SETD3: variants seen among roughly 807,000 people sequenced by gnomAD.
The protein encoded by SETD3 is SET domain containing 3, actin N3(tau)-histidine methyltransferase.
A neutral mutation model predicts 63.0 loss-of-function variants in SETD3; 19 were observed. The ratio of observed to expected loss-of-function variants is 0.30; its 90% confidence interval spans 0.21 to 0.44. SETD3 has a LOEUF of 0.44. Ranked by LOEUF, SETD3 falls within the 20% of genes least tolerant of loss-of-function variation. The probability of loss-of-function intolerance (pLI) is 1.00; values close to 1 mark genes in which losing one functional copy is unlikely to be tolerated. For synonymous variants in SETD3, 286 were observed against 264.1 expected (o/e 1.08, Z -0.80); for missense variants, 587 against 728.5 (o/e 0.81, Z 2.24).
chr14:99,427,764 C>T (rs567721123), intron 6 of SETD3, among the ~76,000 whole-genome samples: 3 of 152,284 alleles, frequency 2.0e-5, no homozygotes, highest in Admixed American at 6.5e-5. Flanking sequence ...AAGGAGCCAA[C>T]GACTTTGGAG....
chr14:99,457,883 G>A (rs941553), intron 6 of SETD3, among the ~76,000 whole-genome samples: 63,747 of 152,074 alleles, frequency 0.42, 13,865 homozygotes, highest in East Asian at 0.56. Context: ...TAAATTAACT[G>A]TCAATATTTT....
chr14:99,407,861 G>A (rs969853143), intron 8 of SETD3, among the ~76,000 whole-genome samples: 3 of 152,146 alleles, frequency 2.0e-5, no homozygotes, highest in African/African-American at 7.2e-5. Context: ...CGAGTGCTCA[G>A]CACACAGAAC....
At chr14:99,477,636 C>A (rs1302635487) in intron 1 of SETD3, among the ~76,000 whole-genome samples, 2 of 151,732 alleles carry the variant, frequency 1.3e-5, no homozygotes, top group Non-Finnish European at 2.9e-5. Context: ...TGCCTGTAAT[C>A]CCAGCTGCTC....
At position 99,463,705 on chromosome 14, in the gene SETD3, C is replaced by T. The variant is rs558744051; in HGVS notation, c.104-127G>A. On this transcript the variant is annotated intron_variant, in intron 2 of 12. Transcript: ENST00000331768. ...GGTTGGTTTATTTTTAAAAGACAGA[C>T]ATATGACAGCCATGATAATGAATGT... 6.6e-3 allele frequency: 4,537 copies of T among 692,278 alleles called. 96 individuals are homozygous for T. The highest frequency in any genetic ancestry group is 0.047 in the South Asian group (2,662 of 56,732). The allele number at this position is 692,278 out of a possible 1,614,324, so 42.9% of individuals were successfully genotyped here.
rs1566869064 is a variant in SETD3 at position 99,399,741 on chromosome 14, A to AATTTTTTTTTTTTTTTT, written c.1338+357_1338+358insAAAAAAAAAAAAAAAAT. 7.8e-5 allele frequency among the ~76,000 whole-genome samples: 10 copies of AATTTTTTTTTTTTTTTT among 127,728 alleles called. 5 individuals are homozygous for AATTTTTTTTTTTTTTTT. The highest frequency in any genetic ancestry group is 9.8e-5 in the Non-Finnish European group (6 of 61,422). 83.8% of individuals were successfully genotyped at this position (127,728 alleles called of 152,430 possible). ...GAATTAACAAGAAATCTTTCATTAA[A>AATTTTTTTTTTTTTTTT]TTTTTTTTTTTTTTTTTTTTTTTTT... On this transcript the variant is annotated intron_variant, in intron 12 of 12. Transcript: ENST00000331768.
intron 6 of SETD3, among the ~76,000 whole-genome samples, chr14:99,443,609 T>G (rs1240636188): frequency 6.6e-6 from 1 of 152,106 alleles, no homozygotes; most frequent in African/African-American, 2.4e-5. Flanking sequence ...TTATATATGA[T>G]TAGAATGTAA....
At chr14:99,439,324 T>C (rs922903335) in intron 6 of SETD3, among the ~76,000 whole-genome samples, 2 of 152,186 alleles carry the variant, frequency 1.3e-5, no homozygotes, top group African/African-American at 4.8e-5. Flanking sequence ...CCAGACAACT[T>C]TGCCTTTCAA....
Position 99,417,668 on chromosome 14 carries a change from T to C in SETD3, c.676-3734A>G, listed in dbSNP as rs543270477. On this transcript the variant is annotated intron_variant, in intron 6 of 12. Coordinates refer to ENST00000331768, the MANE Select transcript of SETD3 (RefSeq NM_032233.3). ...AACCAAAATAAGCAGAATTCATTAT[T>C]ATGTGAATCCCTAATTCAGAAACAT... Among the ~76,000 whole-genome samples the C allele has an allele frequency of 8.5e-5, 13 of 152,376 alleles. No individual in the cohort carries two copies. In the South Asian group the frequency reaches 2.3e-3, roughly 27 times the overall value.
At chr14:99,445,509 T>G (rs1307392711) in intron 6 of SETD3, among the ~76,000 whole-genome samples, 1 of 152,216 alleles carries the variant, frequency 6.6e-6, no homozygotes, top group African/African-American at 2.4e-5. Flanking sequence ...CCCTTCCTCC[T>G]TTTTGTGCTT....
intron 8 of SETD3, among the ~76,000 whole-genome samples, chr14:99,408,394 C>T (rs1891798483): frequency 6.6e-6 from 1 of 152,116 alleles, no homozygotes; most frequent in Admixed American, 6.5e-5. Context: ...ATCGGATGTA[C>T]TTTTCTGACC....
At position 99,463,505 on chromosome 14, in the gene SETD3, T is replaced by C. The variant is rs1301031658; in HGVS notation, c.177A>G (p.Lys59=). The C allele has an allele frequency of 6.2e-7, 1 of 1,613,954 alleles. No individual in the cohort carries two copies. The highest frequency in any genetic ancestry group is 1.3e-5 in the African/African-American group (1 of 75,056). Residue 59 remains lysine, a synonymous_variant, in exon 3 of 13, where the codon AAA becomes AAG. Transcript: ENST00000331768. ...TTTTACCTTTTTGCTTTTTCCGTATTTTCTCAACCAGAGTCCGGATCTGCA... is the reference window on the plus strand; with the variant it reads ...TTTTACCTTTTTGCTTTTTCCGTATCTTCTCAACCAGAGTCCGGATCTGCA... ...EYVQIRTLVE[K]IRKKQKGLSV...
intron 1 of SETD3, among the ~76,000 whole-genome samples, chr14:99,468,545 A>G (rs1895523227): frequency 6.6e-6 from 1 of 152,218 alleles, no homozygotes; most frequent in Admixed American, 6.5e-5. Flanking sequence ...ACCCTGGAAT[A>G]AAAGGAAACC....
chr14:99,467,741 A>G (rs1280731276), intron 1 of SETD3, among the ~76,000 whole-genome samples: 1 of 152,188 alleles, frequency 6.6e-6, no homozygotes, highest in Non-Finnish European at 1.5e-5. Flanking sequence ...AGGAGCTCCA[A>G]GACCCTTTCC....
intron 6 of SETD3, among the ~76,000 whole-genome samples, chr14:99,432,526 T>TG (rs1276686526): frequency 8.5e-5 from 13 of 152,248 alleles, no homozygotes; most frequent in African/African-American, 3.1e-4. Flanking sequence ...TATGCTAATA[T>TG]GGTCCACATA....
At position 99,406,503 on chromosome 14, in the gene SETD3, C is replaced by T. The variant is rs767989613; in HGVS notation, c.924+13G>A. The T allele has an allele frequency of 5.0e-6, 8 of 1,613,774 alleles. No individual in the cohort carries two copies. The Admixed American group carries it at 1.3e-4, about 27-fold the overall frequency. ...TGGCTGGCTCACATTTTGTGAGATG[C>T]CACGAGACCCACCTGCTCTCCAGCC... On this transcript the variant is annotated intron_variant, in intron 9 of 12. Coordinates refer to ENST00000331768, the MANE Select transcript of SETD3 (RefSeq NM_032233.3).
upstream of SETD3, among the ~76,000 whole-genome samples, chr14:99,485,723 G>A (rs987490434): frequency 6.6e-6 from 1 of 152,118 alleles, no homozygotes. Context: ...AGCCAGGCAC[G>A]GTGGCTTATG....
chr14:99,456,092 C>A (rs1284342019), intron 6 of SETD3, among the ~76,000 whole-genome samples: 8 of 152,150 alleles, frequency 5.3e-5, no homozygotes, highest in Non-Finnish European at 1.2e-4. Context: ...GAGGTCGAGG[C>A]TGCAGTGAGC....
At chr14:99,427,860 G>T (rs1566700711) in intron 6 of SETD3, among the ~76,000 whole-genome samples, 1 of 152,218 alleles carries the variant, frequency 6.6e-6, no homozygotes, top group Non-Finnish European at 1.5e-5. Context: ...TGCAGTCACT[G>T]TCGGGAAGAG....
chr14:99,437,276 G>A (rs1893537522), intron 6 of SETD3, among the ~76,000 whole-genome samples: 1 of 152,026 alleles, frequency 6.6e-6, no homozygotes, highest in Non-Finnish European at 1.5e-5. Context: ...CCACCTCCCT[G>A]TGCACACCAC....
Sources: allele counts gnomAD v4.1 joint callset (sites outside exome capture counted in the v4.1 genomes callset), GRCh38; gene constraint gnomAD v4.1.1; transcripts MANE v1.5; gene names NCBI Gene and HGNC (gene_info 2026-07-23, HGNC 2026-07-21).